The following CA1 variants were observed in gnomAD, a reference collection of about 807,000 sequenced individuals.
The protein encoded by CA1 is carbonate dehydratase I.
A neutral mutation model predicts 28.8 loss-of-function variants in CA1; 27 were observed. The observed-to-expected ratio is 0.94, with a 90% CI of 0.69 to 1.29. CA1 has a LOEUF of 1.29. CA1 is among the 50% of genes most tolerant of loss of function. The pLI is 0.00. For synonymous variants in CA1, 121 were observed against 108.8 expected (o/e 1.11, Z -0.70); for missense variants, 335 against 310.5 (o/e 1.08, Z -0.59).
intron 1 of CA1, among the ~76,000 whole-genome samples, chr8:85,352,465 G>A (rs940303025): frequency 2.0e-5 from 3 of 152,032 alleles, no homozygotes; most frequent in African/African-American, 7.2e-5. Context: ...AACCAATACC[G>A]GTATGCCTGC....
At chr8:85,348,454 G>T (rs896475646) in intron 1 of CA1, among the ~76,000 whole-genome samples, 1 of 152,140 alleles carries the variant, frequency 6.6e-6, no homozygotes, top group Admixed American at 6.5e-5. Context: ...AATTTACTCT[G>T]ATCTTTGTCT....
intron 1 of CA1, among the ~76,000 whole-genome samples, 176 bp downstream of exon 1, chr8:85,377,870 A>C (rs1467911681): frequency 6.6e-6 from 1 of 152,254 alleles, no homozygotes; most frequent in Non-Finnish European, 1.5e-5. Context: ...TGCTTGATAA[A>C]TATAAAAGGT....
intron 1 of CA1, among the ~76,000 whole-genome samples, chr8:85,377,049 A>G (rs1042584963): frequency 3.9e-5 from 6 of 152,240 alleles, no homozygotes; most frequent in African/African-American, 1.2e-4. Flanking sequence ...ACACATTTGT[A>G]TTAACTTTAG....
intron 1 of CA1, among the ~76,000 whole-genome samples, chr8:85,353,996 A>C (rs753089812): frequency 6.6e-6 from 1 of 151,678 alleles, no homozygotes; most frequent in East Asian, 1.9e-4. Flanking sequence ...ACAGAGTCTC[A>C]CTGTCACCCA....
rs1260649837 is a variant in CA1, at chr8:85,328,095, C to T, written c.*465G>A. ...TTCAGGAGTAAGCAAATGAATTTCC[C>T]AATATTTCATCTCCAGCTGCTCTTA... On this transcript the variant is annotated 3_prime_UTR_variant, in exon 8 of 8. Transcript: ENST00000523022. 1 of 155,174 alleles carries T rather than the reference C, an allele frequency of 6.4e-6. No homozygotes were observed. The highest frequency in any genetic ancestry group is 1.4e-5 in the Non-Finnish European group (1 of 70,124). The allele number at this position is 155,174 out of a possible 1,614,324, so 9.6% of individuals were successfully genotyped here. A position where few individuals can be genotyped will look rare whatever the true frequency, so the allele number is the denominator to read the frequency against.
At chr8:85,375,062 G>A (rs767950029) in intron 1 of CA1, among the ~76,000 whole-genome samples, 4 of 152,136 alleles carry the variant, frequency 2.6e-5, no homozygotes, top group African/African-American at 4.8e-5. Context: ...ACATATGATT[G>A]TGTGAACACA....
intron 1 of CA1, among the ~76,000 whole-genome samples, chr8:85,374,826 G>T (rs377258525): frequency 6.6e-5 from 10 of 152,214 alleles, no homozygotes; most frequent in East Asian, 3.9e-4. Context: ...TGAATGGCTA[G>T]CAATAAATTA....
chr8:85,352,518 G>C (rs1809449498), intron 1 of CA1, among the ~76,000 whole-genome samples: 1 of 152,058 alleles, frequency 6.6e-6, no homozygotes, highest in Non-Finnish European at 1.5e-5. Flanking sequence ...TCAGCTCTCT[G>C]GACCTTAGCC....
chr8:85,360,518 C>T (rs1165833987), intron 1 of CA1, among the ~76,000 whole-genome samples: 1 of 151,984 alleles, frequency 6.6e-6, no homozygotes, highest in African/African-American at 2.4e-5. Context: ...ATGGCAAAAC[C>T]CCATCTCTAC....
chr8:85,376,151 C>T (rs895939777), intron 1 of CA1, among the ~76,000 whole-genome samples: 6 of 151,750 alleles, frequency 4.0e-5, no homozygotes, highest in African/African-American at 9.7e-5. Context: ...GCCAACATGG[C>T]GAAACCCCAT....
At chr8:85,356,066 T>G (rs1401838700) in intron 1 of CA1, among the ~76,000 whole-genome samples, 1 of 152,232 alleles carries the variant, frequency 6.6e-6, no homozygotes, top group Non-Finnish European at 1.5e-5. Flanking sequence ...AGTGTTGATA[T>G]TTGATCCTAC....
At chr8:85,372,615 A>G (rs1342098488) in intron 1 of CA1, among the ~76,000 whole-genome samples, 1 of 152,216 alleles carries the variant, frequency 6.6e-6, no homozygotes, top group Non-Finnish European at 1.5e-5. Flanking sequence ...GTGGTACTAT[A>G]TATACAGTAG....
chr8:85,362,019 A>G (rs1021025693), intron 1 of CA1, among the ~76,000 whole-genome samples: 10 of 152,128 alleles, frequency 6.6e-5, no homozygotes, highest in African/African-American at 2.4e-4. Context: ...TTCTCCTGAC[A>G]CTTCTGGCAG....
At chr8:85,330,585 T>C (rs1336291143) in intron 6 of CA1, among the ~76,000 whole-genome samples, 1 of 152,184 alleles carries the variant, frequency 6.6e-6, no homozygotes, top group Non-Finnish European at 1.5e-5. Context: ...AGTTAAATGT[T>C]GATACAAGTT....
At chr8:85,356,756 A>G (rs1250704929) in intron 1 of CA1, among the ~76,000 whole-genome samples, 2 of 152,192 alleles carry the variant, frequency 1.3e-5, no homozygotes, top group East Asian at 3.8e-4. Context: ...TAATAGCCTG[A>G]AATCAGAAAT....
intron 1 of CA1, among the ~76,000 whole-genome samples, chr8:85,377,412 A>G (rs1234938173): frequency 2.6e-5 from 4 of 152,236 alleles, no homozygotes. Flanking sequence ...ATAATATATA[A>G]TATTTAAAGG....
chr8:85,348,728 T>G (rs773316416), intron 1 of CA1, among the ~76,000 whole-genome samples: 5 of 152,212 alleles, frequency 3.3e-5, no homozygotes, highest in Non-Finnish European at 7.3e-5. Flanking sequence ...CTAACCCAAT[T>G]TCTTTGAGTA....
intron 4 of CA1, among the ~76,000 whole-genome samples, chr8:85,333,891 C>G (rs1460287440): frequency 6.6e-6 from 1 of 152,194 alleles, no homozygotes. Context: ...AAATGTATCT[C>G]TCTTTGTTTT....
In CA1 at chr8:85,336,968, C is replaced by G; in HGVS notation, c.331G>C (p.Asp111His). ...ACCTCGGCAGAATATTTGACTCCATCCACTGTATGTTCTGAACCATGCTCA... is the reference window on the plus strand; with the variant it reads ...ACCTCGGCAGAATATTTGACTCCATGCACTGTATGTTCTGAACCATGCTCA... ...TNEHGSEHTV[D>H]GVKYSAELHV... The change falls in exon 4 of 8, where the codon GAT becomes CAT. Residue 111 changes from aspartate (D) to histidine (H), a missense_variant. Physicochemically the swap from Asp to His is moderately conservative, Grantham distance 81. Coordinates refer to ENST00000523022, the MANE Select transcript of CA1 (RefSeq NM_001128831.4). The G allele has an allele frequency of 6.2e-7, 1 of 1,606,194 alleles. No homozygotes were observed. The highest frequency in any genetic ancestry group is 8.5e-7 in the Non-Finnish European group (1 of 1,172,922).
Sources: allele counts gnomAD v4.1 joint callset (sites outside exome capture counted in the v4.1 genomes callset), GRCh38; gene constraint gnomAD v4.1.1; transcripts MANE v1.5; gene names NCBI Gene and HGNC (gene_info 2026-07-23, HGNC 2026-07-21).